GCA: variants seen among roughly 807,000 people sequenced by gnomAD.
The protein encoded by GCA is grancalcin, EF-hand calcium-binding protein.
In GCA, 30 loss-of-function variants were observed where a neutral mutation model predicts 32.6. That is an observed-to-expected ratio of 0.92 (90% CI 0.69 to 1.25). GCA has a LOEUF of 1.25. Ranked by LOEUF, GCA falls within the 50% of genes most tolerant of loss-of-function variation. The pLI is 0.00. For synonymous variants in GCA, 102 were observed against 84.6 expected (o/e 1.21, Z -1.13); for missense variants, 291 against 266.8 (o/e 1.09, Z -0.63).
upstream of GCA, among the ~76,000 whole-genome samples, chr2:162,342,345 G>C (rs1027925830): frequency 1.3e-5 from 2 of 152,198 alleles, no homozygotes; most frequent in African/African-American, 4.8e-5. Flanking sequence ...GAGTGCCACA[G>C]TTTCATGGAA....
At chr2:162,371,218 C>T (rs1241586589) in intron 4 of GCA, 2 of 494,674 alleles carry the variant, frequency 4.0e-6, no homozygotes, top group Non-Finnish European at 7.2e-6. Flanking sequence ...CCTTTGTTCT[C>T]ATTACTGTTG....
At chr2:162,345,784 A>C (rs1684673416) in intron 1 of GCA, among the ~76,000 whole-genome samples, 2 of 152,200 alleles carry the variant, frequency 1.3e-5, no homozygotes, top group Admixed American at 1.3e-4. Flanking sequence ...ACATTGGATA[A>C]AATTTTGGGA....
At chr2:162,367,922 T>G (rs188739458), downstream of GCA, among the ~76,000 whole-genome samples, 1 of 152,146 alleles carries the variant, frequency 6.6e-6, no homozygotes, top group East Asian at 1.9e-4. Flanking sequence ...GGAGGTTAAC[T>G]TGCTCAAGGT....
chr2:162,356,766 C>A lies in GCA; in HGVS notation c.315C>A (p.His105Gln), dbSNP rs1685294531. 6.2e-7 allele frequency: 1 copy of A among 1,603,996 alleles called. No individual in the cohort carries two copies. The highest frequency in any genetic ancestry group is 8.5e-7 in the Non-Finnish European group (1 of 1,173,658). ...GTTAATAAAACTATCAGAGAGATCACACAGGAAAAATGGGATTTAATGCAT... is the reference window on the plus strand; with the variant it reads ...GTTAATAAAACTATCAGAGAGATCAAACAGGAAAAATGGGATTTAATGCAT... Reference protein sequence around the residue: ...RIMIAMLDRDHTGKMGFNAFK... With the variant: ...RIMIAMLDRDQTGKMGFNAFK... Residue 105 changes from histidine (H) to glutamine (Q), a missense_variant, in exon 5 of 8, where the codon CAC becomes CAA. Physicochemically the swap from His to Gln is conservative, Grantham distance 24. Coordinates refer to ENST00000437150, the MANE Select transcript of GCA (RefSeq NM_012198.5).
intron 1 of GCA, among the ~76,000 whole-genome samples, chr2:162,322,514 G>A (rs1322488598): frequency 5.3e-5 from 8 of 149,668 alleles, no homozygotes; most frequent in Non-Finnish European, 1.2e-4. Context: ...CCACTAACTC[G>A]TCATCTAGCA....
chr2:162,337,201 G>A (rs1049444367), intron 1 of GCA, among the ~76,000 whole-genome samples: 1 of 152,192 alleles, frequency 6.6e-6, no homozygotes, highest in East Asian at 1.9e-4. Flanking sequence ...GCAATAGCAG[G>A]AAAGCAGAGG....
intron 1 of GCA, among the ~76,000 whole-genome samples, chr2:162,330,425 A>T (rs1448405850): frequency 1.3e-5 from 2 of 152,258 alleles, no homozygotes; most frequent in African/African-American, 4.8e-5. Flanking sequence ...TTGTATGAAT[A>T]TTAAAATAAA....
Position 162,344,153 on chromosome 2 carries a change from T to G in GCA, c.-96T>G, listed in dbSNP as rs982192081. The G allele has an allele frequency of 7.5e-7, 1 of 1,339,236 alleles. No individual in the cohort carries two copies. The highest frequency in any genetic ancestry group is 1.1e-6 in the Non-Finnish European group (1 of 935,554). 83.0% of individuals were successfully genotyped at this position (1,339,236 alleles called of 1,614,324 possible). On this transcript the variant is annotated 5_prime_UTR_variant, in exon 1 of 8. Transcript: ENST00000437150. ...GGTTAGTGCGCCTTTCAGCCTCACC[T>G]GCAGCTGCGCCTCCTTGCACCTGCG...
intron 5 of GCA, 97 bp from the exon 6 acceptor site, chr2:162,358,947 T>C: frequency 1.7e-6 from 1 of 583,628 alleles, no homozygotes; most frequent in Non-Finnish European, 3.0e-6. Context: ...TTTTGTGGAA[T>C]GAATTTTGAA....
chr2:162,361,892 A>G lies in GCA; in HGVS notation c.*1649A>G. The G allele has an allele frequency of 3.0e-6, 3 of 984,182 alleles. No individual in the cohort carries two copies. Among genetic ancestry groups the G allele is most frequent in the Non-Finnish European group, 3.6e-6 (3 of 828,968 alleles). 61.0% of individuals were successfully genotyped at this position (984,182 alleles called of 1,614,324 possible). ...TGTCGCTCAGCAACCTGTAATCTTA[A>G]CATCCAGGTTATACAGATGGTCGTT... On this transcript the variant is annotated 3_prime_UTR_variant, in exon 8 of 8. Coordinates refer to ENST00000437150, the MANE Select transcript of GCA (RefSeq NM_012198.5).
At chr2:162,365,236 T>C (rs778310313), downstream of GCA, among the ~76,000 whole-genome samples, 15 of 151,682 alleles carry the variant, frequency 9.9e-5, no homozygotes, top group Non-Finnish European at 2.1e-4. Flanking sequence ...ATATGCTTCA[T>C]TCTTAAATTA....
At chr2:162,323,349 T>G (rs1478267258) in intron 1 of GCA, among the ~76,000 whole-genome samples, 9 of 152,022 alleles carry the variant, frequency 5.9e-5, no homozygotes, top group African/African-American at 1.9e-4. Context: ...TTTCTCCCAT[T>G]TTGTAGGTTG....
Position 162,362,984 on chromosome 2 carries a change from T to C in GCA, c.*2741T>C, listed in dbSNP as rs1685639831. 1.3e-5 allele frequency among the ~76,000 whole-genome samples: 2 copies of C among 151,478 alleles called. No homozygotes were observed. The highest frequency in any genetic ancestry group is 1.3e-4 in the Admixed American group (2 of 15,126). Reference sequence around the variant, plus strand: ...GAAAGTAGAATCTGTTAATACAGTTTAAAGTCTGTGGAGTTAAAAAAAATA... The same window carrying C: ...GAAAGTAGAATCTGTTAATACAGTTCAAAGTCTGTGGAGTTAAAAAAAATA... On this transcript the variant is annotated 3_prime_UTR_variant, in exon 8 of 8. Coordinates refer to ENST00000437150, the MANE Select transcript of GCA (RefSeq NM_012198.5).
At chr2:162,318,863 A>G (rs566342837), upstream of GCA, 1 of 195,898 alleles carries the variant, frequency 5.1e-6, no homozygotes, top group East Asian at 1.4e-4. Flanking sequence ...CTCTGACACC[A>G]AGACCAACGC....
At chr2:162,333,737 A>G (rs1416040346) in intron 1 of GCA, among the ~76,000 whole-genome samples, 1 of 152,164 alleles carries the variant, frequency 6.6e-6, no homozygotes, top group Non-Finnish European at 1.5e-5. Context: ...GGCAGCATGC[A>G]TGGACTGTGA....
At chr2:162,364,371 T>C (rs1183639641), downstream of GCA, among the ~76,000 whole-genome samples, 2 of 151,538 alleles carry the variant, frequency 1.3e-5, no homozygotes, top group East Asian at 3.9e-4. Flanking sequence ...AACTTTTGGA[T>C]GCATATTTAA....
intron 4 of GCA, among the ~76,000 whole-genome samples, chr2:162,370,633 T>C (rs539720522): frequency 6.6e-6 from 1 of 152,316 alleles, no homozygotes; most frequent in South Asian, 2.1e-4. Context: ...ACTGCTGGTA[T>C]GTGCATTTTC....
chr2:162,372,156 T>C, downstream of GCA: 1 of 1,325,382 alleles, frequency 7.5e-7, no homozygotes, highest in Non-Finnish European at 1.0e-6. Context: ...TCATTGAAAA[T>C]TACACTAATA....
At chr2:162,373,551 C>G (rs766472267), downstream of GCA, 2 of 1,595,792 alleles carry the variant, frequency 1.3e-6, no homozygotes, top group East Asian at 4.6e-5. Context: ...TGATGGGTCT[C>G]TGATATTCTG....
Sources: gnomAD v4.1 joint callset for allele counts (sites outside exome capture counted in the v4.1 genomes callset) on GRCh38, gnomAD v4.1.1 for gene constraint, MANE v1.5 for transcripts, NCBI Gene and HGNC (gene_info 2026-07-23, HGNC 2026-07-21) for gene names.